The following LOXL1 variants were observed in gnomAD, a reference collection of about 807,000 sequenced individuals.
The protein encoded by LOXL1 is lysyl oxidase homolog 1.
LOXL1 carries 31 observed loss-of-function variants against 62.2 expected under a neutral mutation model. The ratio of observed to expected loss-of-function variants is 0.50; its 90% confidence interval spans 0.37 to 0.67. The LOEUF is 0.67. Ranked by LOEUF, LOXL1 falls within the 30% of genes least tolerant of loss-of-function variation. The pLI, the probability that LOXL1 is intolerant of heterozygous loss-of-function variation, is 0.00. For missense variants in LOXL1, 775 were observed against 843.4 expected, an observed-to-expected ratio of 0.92 and a Z score of 1.00; for synonymous variants, 403 against 384.4, an observed-to-expected ratio of 1.05 and a Z score of -0.56.
At position 73,945,573 on chromosome 15, in the gene LOXL1, G is replaced by T. The variant is rs2068741886; in HGVS notation, c.1212-844G>T. On this transcript the variant is annotated intron_variant, in intron 2 of 6. Transcript: ENST00000261921. This position sits in a 1 kb window ranked among gnomAD's most constrained non-coding sequence, Gnocchi z 4.3. ...TGTGGGGGAGTGGAAGGGCAGATGG[G>T]ACTAGAAAAGTGAAGAGGCTTTGAC... is the stretch of plus-strand genomic sequence containing the variant. 6.6e-6 allele frequency among the ~76,000 whole-genome samples: 1 copy of T among 152,176 alleles called. No homozygotes were observed. The highest frequency in any genetic ancestry group is 6.5e-5 in the Admixed American group (1 of 15,280).
chr15:73,947,784 C>T (rs752313777), intron 4 of LOXL1, 23 bp from the exon 5 acceptor site: 58 of 1,535,566 alleles, frequency 3.8e-5, no homozygotes, highest in Middle Eastern at 1.7e-4. Flanking sequence ...GCATCACAGC[C>T]GCTCCTCTTG....
At chr15:73,951,690 G>A (rs564241945) in intron 6 of LOXL1, 141 bp from the exon 7 acceptor site, 6 of 658,214 alleles carry the variant, frequency 9.1e-6, no homozygotes, top group Middle Eastern at 2.7e-4. Context: ...TGAGGGGGTC[G>A]GAACTTTCTC....
At chr15:73,933,385 C>T (rs2068648795) in intron 1 of LOXL1, among the ~76,000 whole-genome samples, 1 of 152,200 alleles carries the variant, frequency 6.6e-6, no homozygotes. Context: ...TCACCTGTCT[C>T]TGTGTTCACT....
chr15:73,943,016 C>G, intron 2 of LOXL1, 54 bp downstream of exon 2: 1 of 1,406,524 alleles, frequency 7.1e-7, no homozygotes, highest in Non-Finnish European at 1.0e-6. Flanking sequence ...GGGAGTCACC[C>G]AGAACCCAGC....
chr15:73,935,344 G>A (rs1344189400), intron 1 of LOXL1, among the ~76,000 whole-genome samples: 1 of 152,212 alleles, frequency 6.6e-6, no homozygotes, highest in Non-Finnish European at 1.5e-5. Flanking sequence ...TGGATATGGG[G>A]TATGAAAGAA....
At chr15:73,950,456 G>T (rs138197425) in intron 6 of LOXL1, among the ~76,000 whole-genome samples, 1 of 152,204 alleles carries the variant, frequency 6.6e-6, no homozygotes, top group East Asian at 1.9e-4. Context: ...TATGGTCAGG[G>T]TGTGGTGTAT....
chr15:73,944,235 C>T (rs763623512), intron 2 of LOXL1, among the ~76,000 whole-genome samples: 3 of 152,202 alleles, frequency 2.0e-5, no homozygotes, highest in Non-Finnish European at 2.9e-5. Flanking sequence ...GAACTTACAG[C>T]CTCCATGACA....
intron 1 of LOXL1, among the ~76,000 whole-genome samples, chr15:73,929,041 C>T (rs1242426041): frequency 1.3e-5 from 2 of 152,204 alleles, no homozygotes; most frequent in Admixed American, 6.5e-5. Context: ...GGAAAGGCAG[C>T]TTCCACACAT....
At chr15:73,939,473 T>C (rs998403042) in intron 1 of LOXL1, among the ~76,000 whole-genome samples, 1 of 152,230 alleles carries the variant, frequency 6.6e-6, no homozygotes, top group Admixed American at 6.5e-5. Context: ...CAGGAGGCCC[T>C]GGTGATTGTT....
Position 73,942,915 on chromosome 15 carries a change from C to A in LOXL1, c.1164C>A (p.Ala388=). ...YVQASTYVQR[A]HLYSLRCAAE... is the part of the protein sequence containing the mutation. The stretch of plus-strand genomic sequence containing the variant: ...AAGCATCCACTTATGTGCAGAGAGC[C>A]CACCTGTACTCCCTGCGCTGTGCTG... The change falls in exon 2 of 7, where the codon GCC becomes GCA. Residue 388 remains alanine (A), a synonymous_variant. Transcript: ENST00000261921. The A allele has an allele frequency of 6.2e-7, 1 of 1,614,110 alleles. No individual in the cohort carries two copies. The highest frequency in any genetic ancestry group is 8.5e-7 in the Non-Finnish European group (1 of 1,179,970).
At position 73,926,886 on chromosome 15, in the gene LOXL1, G is replaced by T; in HGVS notation, c.103G>T (p.Asp35Tyr). 6.4e-7 allele frequency: 1 copy of T among 1,561,338 alleles called. No individual in the cohort carries two copies. The highest frequency in any genetic ancestry group is 1.2e-5 in the South Asian group (1 of 84,930). The stretch of plus-strand genomic sequence containing the variant: ...GCAGGCGCAGCCCGGGCAGGGCTCG[G>T]ACCCCGCCCGCTGGCGGCAGCTGAT... The part of the protein sequence containing the change: ...GQQAQPGQGS[D>Y]PARWRQLIQW... The change falls in exon 1 of 7, where the codon GAC becomes TAC. Residue 35 changes from aspartate to tyrosine, a missense_variant. Asp to Tyr is a radical substitution (Grantham distance 160). Transcript: ENST00000261921.
chr15:73,927,989 G>C, intron 1 of LOXL1, 104 bp downstream of exon 1: 3 of 1,092,274 alleles, frequency 2.7e-6, no homozygotes, highest in South Asian at 3.2e-5. Flanking sequence ...AGGCCTCCCC[G>C]GAGCTGCTAA....
chr15:73,944,958 G>T lies in LOXL1; in HGVS notation c.1212-1459G>T, dbSNP rs997721855. ...GGCCACCGCTCCCCTCTGGCCTTAG[G>T]ATCGGACCTTAATGAGTGCCAGGGA... On this transcript the variant is annotated intron_variant, in intron 2 of 6. Transcript: ENST00000261921. 3.9e-5 allele frequency among the ~76,000 whole-genome samples: 6 copies of T among 152,202 alleles called. 1 individual carries two copies. The South Asian group carries it at 1.2e-3, about 32-fold the overall frequency.
At position 73,947,238 on chromosome 15, in the gene LOXL1, A is replaced by C; in HGVS notation, c.1506+15A>C. 3.1e-6 allele frequency: 5 copies of C among 1,588,544 alleles called. No homozygotes were observed. The highest frequency in any genetic ancestry group is 4.3e-6 in the Non-Finnish European group (5 of 1,160,990). ...CTCATACCCAGGTTGGGCTGGAGAG[A>C]TGGGGTTTGGGGCATGGGAGGATAA... On this transcript the variant is annotated intron_variant, in intron 4 of 6. Transcript: ENST00000261921.
chr15:73,940,706 A>G (rs1389362880), intron 1 of LOXL1, among the ~76,000 whole-genome samples: 2 of 152,138 alleles, frequency 1.3e-5, no homozygotes, highest in Admixed American at 6.5e-5. Flanking sequence ...TAATGTGACC[A>G]GGGTCAGAGG....
rs556342569 is a variant in LOXL1, at chr15:73,929,211, C to G, written c.1102+1326C>G. Among the ~76,000 whole-genome samples the G allele has an allele frequency of 7.2e-5, 11 of 152,352 alleles. No individual in the cohort carries two copies. The East Asian group carries it at 2.1e-3, about 29-fold the overall frequency. On this transcript the variant is annotated intron_variant, in intron 1 of 6. Coordinates refer to ENST00000261921, the MANE Select transcript of LOXL1 (RefSeq NM_005576.4). ...AAGGTTTTCTACTCAGTCCCCAATACTTATGCAGTCCAACTCTGCCTTGCC... is the reference window on the plus strand; with the variant it reads ...AAGGTTTTCTACTCAGTCCCCAATAGTTATGCAGTCCAACTCTGCCTTGCC...
Position 73,927,067 on chromosome 15 carries a change from G to A in LOXL1, c.284G>A (p.Arg95Gln). Residue 95 changes from arginine to glutamine, a missense_variant, in exon 1 of 7, where the codon CGG (arginine) becomes CAG (glutamine). Coordinates refer to ENST00000261921, the MANE Select transcript of LOXL1 (RefSeq NM_005576.4). The part of the protein sequence containing the change: ...QRRSHGSPRR[R>Q]QAPSLPLPGR... ...CGCAGCCACGGGAGCCCCCGGCGTCGGCAGGCGCCGTCCCTGCCCCTGCCG... is the reference window on the plus strand; with the variant it reads ...CGCAGCCACGGGAGCCCCCGGCGTCAGCAGGCGCCGTCCCTGCCCCTGCCG... The A allele has an allele frequency of 2.3e-6, 3 of 1,314,476 alleles. No individual in the cohort carries two copies. The highest frequency in any genetic ancestry group is 2.3e-5 in the South Asian group (1 of 43,724). 81.4% of individuals were successfully genotyped at this position (1,314,476 alleles called of 1,614,324 possible).
At chr15:73,935,888 G>A (rs1025149972) in intron 1 of LOXL1, among the ~76,000 whole-genome samples, 1 of 151,668 alleles carries the variant, frequency 6.6e-6, no homozygotes, top group Non-Finnish European at 1.5e-5. Flanking sequence ...GACTGACAGG[G>A]TGGGCTTTGG....
At chr15:73,942,734 T>G (rs1300619765) in intron 1 of LOXL1, 120 bp from the exon 2 acceptor site, 10 of 710,514 alleles carry the variant, frequency 1.4e-5, no homozygotes, top group African/African-American at 6.9e-5. Context: ...CAAAGGGTTT[T>G]GGGGTATGAG....
Sources: gnomAD v4.1 joint callset for allele counts (sites outside exome capture counted in the v4.1 genomes callset) on GRCh38, gnomAD v4.1.1 for gene constraint, Gnocchi (gnomAD v3.1) non-coding constraint, MANE v1.5 for transcripts, NCBI Gene and HGNC (gene_info 2026-07-23, HGNC 2026-07-21) for gene names.